Variants in SYT14 observed in about 807,000 individuals in gnomAD.
SYT14 encodes the protein synaptotagmin 14.
A neutral mutation model predicts 74.2 loss-of-function variants in SYT14; 32 were observed. That is an observed-to-expected ratio of 0.43 (90% CI 0.33 to 0.58). The LOEUF is 0.58. Among genes scored for constraint, SYT14 ranks in the 20% least tolerant of loss-of-function variants. The pLI is 0.05. For synonymous variants in SYT14, 298 were observed against 337.7 expected (o/e 0.88, Z 1.29); for missense variants, 791 against 981.8 (o/e 0.81, Z 2.60).
intron 1 of SYT14, among the ~76,000 whole-genome samples, chr1:209,944,794 A>G (rs936402293): frequency 3.9e-5 from 6 of 151,928 alleles, no homozygotes; most frequent in African/African-American, 1.5e-4. Context: ...AAAAAAGAGG[A>G]CAGGTTAAGA....
intron 7 of SYT14, among the ~76,000 whole-genome samples, chr1:210,142,362 C>T (rs1003666276): frequency 6.6e-6 from 1 of 152,114 alleles, no homozygotes. Flanking sequence ...GTGTTGCAGG[C>T]CTTTAGTTAG....
chr1:210,008,679 A>G (rs1437395477), intron 2 of SYT14, among the ~76,000 whole-genome samples: 1 of 152,154 alleles, frequency 6.6e-6, no homozygotes, highest in Non-Finnish European at 1.5e-5. Flanking sequence ...AAGATTTTGA[A>G]GATCCTCCTT....
At chr1:209,949,341 G>C (rs1226259945) in intron 1 of SYT14, among the ~76,000 whole-genome samples, 1 of 152,062 alleles carries the variant, frequency 6.6e-6, no homozygotes, top group African/African-American at 2.4e-5. Flanking sequence ...ATGGGAGGCC[G>C]AGGCGGGCGG....
intron 2 of SYT14, among the ~76,000 whole-genome samples, chr1:210,005,438 C>G (rs1462469661): frequency 6.6e-6 from 1 of 151,842 alleles, no homozygotes; most frequent in Non-Finnish European, 1.5e-5. Context: ...AATTCAAAAT[C>G]TTACTCATAG....
exon 10 of SYT14, chr1:210,163,575 G>T: frequency 2.2e-6 from 1 of 453,190 alleles, no homozygotes; most frequent in South Asian, 1.6e-5. Context: ...CATACATTTA[G>T]GATTATTTTT....
At chr1:210,048,130 A>G (rs1195064207) in intron 5 of SYT14, among the ~76,000 whole-genome samples, 1 of 152,180 alleles carries the variant, frequency 6.6e-6, no homozygotes, top group Admixed American at 6.5e-5. Flanking sequence ...ATTCTTGACT[A>G]AATCAATTAT....
chr1:210,112,113 C>T (rs2082274627), intron 7 of SYT14, among the ~76,000 whole-genome samples: 1 of 151,300 alleles, frequency 6.6e-6, no homozygotes, highest in Admixed American at 6.6e-5. Flanking sequence ...GAAGAAATGA[C>T]TGCAGTGGCT....
intron 5 of SYT14, among the ~76,000 whole-genome samples, chr1:210,045,838 C>T (rs1272235269): frequency 6.6e-6 from 1 of 152,034 alleles, no homozygotes; most frequent in Non-Finnish European, 1.5e-5. Context: ...CACTTTAGAA[C>T]TTCTAAATCT....
chr1:209,994,436 CGAA>C (rs1343199852), intron 2 of SYT14, among the ~76,000 whole-genome samples: 1 of 151,330 alleles, frequency 6.6e-6, no homozygotes, highest in Non-Finnish European at 1.5e-5. Context: ...CAGACAAAAA[CGAA>C]GAAAAAAGAA....
intron 7 of SYT14, among the ~76,000 whole-genome samples, chr1:210,132,891 CTCTT>C (rs1365394582): frequency 6.6e-6 from 1 of 152,122 alleles, no homozygotes; most frequent in Non-Finnish European, 1.5e-5. Context: ...CTAACTATAC[CTCTT>C]ACTTGTTTCT....
chr1:210,030,007 G>A (rs1402695715), intron 5 of SYT14, among the ~76,000 whole-genome samples: 3 of 152,104 alleles, frequency 2.0e-5, no homozygotes, highest in East Asian at 3.9e-4. Context: ...TGATGTAATC[G>A]CAAATGGAAT....
chr1:210,126,864 A>G lies in SYT14; in HGVS notation c.2034+26403A>G, dbSNP rs947899720. Among the ~76,000 whole-genome samples, 4 of 152,106 alleles carry G rather than the reference A, an allele frequency of 2.6e-5. No homozygotes were observed. The South Asian group carries it at 8.3e-4, about 32-fold the overall frequency. On this transcript the variant is annotated intron_variant, in intron 7 of 9. Transcript: ENST00000637265. ...ATCTTTTATGGTTCTGTACCCTAGG[A>G]TGTATCATGAAATATGTTAACTCAC...
intron 5 of SYT14, among the ~76,000 whole-genome samples, chr1:210,083,940 A>G (rs760544854): frequency 6.6e-6 from 1 of 152,196 alleles, no homozygotes; most frequent in Non-Finnish European, 1.5e-5. Flanking sequence ...CTTGGTCCCA[A>G]GCAATCCTCC....
At chr1:210,108,160 C>G (rs553074485) in intron 7 of SYT14, among the ~76,000 whole-genome samples, 2 of 152,178 alleles carry the variant, frequency 1.3e-5, no homozygotes, top group Non-Finnish European at 2.9e-5. Flanking sequence ...GCTTACACTT[C>G]TGTGTGAACA....
chr1:210,088,649 G>T (rs1305363621), intron 5 of SYT14, among the ~76,000 whole-genome samples: 1 of 151,968 alleles, frequency 6.6e-6, no homozygotes, highest in East Asian at 1.9e-4. Context: ...GGAATACTAT[G>T]CAGCCATAAA....
chr1:209,940,667 C>T (rs1572040964), intron 1 of SYT14, among the ~76,000 whole-genome samples: 1 of 152,116 alleles, frequency 6.6e-6, no homozygotes, highest in African/African-American at 2.4e-5. Context: ...TCTACCCATC[C>T]TAGTTTTGCT....
chr1:209,938,906 CTG>C (rs2078682663), intron 1 of SYT14, among the ~76,000 whole-genome samples: 1 of 152,122 alleles, frequency 6.6e-6, no homozygotes, highest in African/African-American at 2.4e-5. Flanking sequence ...ACACTCAAAA[CTG>C]TTTTTCTCCA....
exon 10 of SYT14, chr1:210,166,150 G>A (rs556193733): frequency 9.8e-5 from 15 of 152,358 alleles, no homozygotes; most frequent in African/African-American, 3.6e-4. Context: ...TAATCCCTGA[G>A]TTGGGTCTTA....
At chr1:210,050,743 T>G (rs1312985361) in intron 5 of SYT14, among the ~76,000 whole-genome samples, 3 of 152,172 alleles carry the variant, frequency 2.0e-5, no homozygotes, top group Admixed American at 6.5e-5. Context: ...GAAACTCCCC[T>G]TCTAAAACCA....
Sources: allele counts gnomAD v4.1 joint callset (sites outside exome capture counted in the v4.1 genomes callset), GRCh38; gene constraint gnomAD v4.1.1; transcripts MANE v1.5; gene names NCBI Gene and HGNC (gene_info 2026-07-23, HGNC 2026-07-21).